The following MBNL2 variants were observed in gnomAD, a reference collection of about 807,000 sequenced individuals.
MBNL2 encodes the protein muscleblind-like protein 2.
MBNL2 carries 17 observed loss-of-function variants against 41.9 expected under a neutral mutation model. The observed-to-expected ratio is 0.41, with a 90% CI of 0.28 to 0.61. The LOEUF (loss-of-function observed/expected upper bound fraction) is 0.61. Ranked by LOEUF, MBNL2 falls within the 20% of genes least tolerant of loss-of-function variation. MBNL2 has a pLI of 0.35. For missense variants in MBNL2, 336 were observed against 505.6 expected (o/e 0.66, Z 3.22); for synonymous variants, 195 against 182.9 (o/e 1.07, Z -0.53).
intron 5 of MBNL2, among the ~76,000 whole-genome samples, chr13:97,353,954 C>G (rs918659685): frequency 6.6e-6 from 1 of 151,680 alleles, no homozygotes; most frequent in Non-Finnish European, 1.5e-5. Context: ...GTTTTCTGAC[C>G]CCTCAGATCT....
At chr13:97,291,176 G>T (rs991775285) in intron 2 of MBNL2, among the ~76,000 whole-genome samples, 28 of 152,128 alleles carry the variant, frequency 1.8e-4, no homozygotes, top group African/African-American at 6.8e-4. Flanking sequence ...ATGCCACCCG[G>T]CTGGGGTGGA....
chr13:97,308,685 A>G (rs940207210), intron 2 of MBNL2, among the ~76,000 whole-genome samples: 1 of 152,206 alleles, frequency 6.6e-6, no homozygotes, highest in Non-Finnish European at 1.5e-5. Context: ...CTGAAGTTTT[A>G]TGATGATCGA....
chr13:97,284,070 C>T (rs1410170461), intron 2 of MBNL2, among the ~76,000 whole-genome samples: 1 of 152,176 alleles, frequency 6.6e-6, no homozygotes, highest in African/African-American at 2.4e-5. Context: ...TAGAGTTAGA[C>T]AGGATCATCT....
the MBNL2 span, among the ~76,000 whole-genome samples, chr13:97,197,702 T>C: frequency 6.6e-5 from 10 of 152,324 alleles, no homozygotes; most frequent in East Asian, 1.9e-3. Flanking sequence ...TATTTCTAAT[T>C]CCTCTAATTT....
the MBNL2 span, among the ~76,000 whole-genome samples, chr13:97,215,662 C>A: frequency 6.6e-6 from 1 of 152,162 alleles, no homozygotes; most frequent in African/African-American, 2.4e-5. Flanking sequence ...TTTGCATTAA[C>A]TTTTCATATA....
intron 2 of MBNL2, among the ~76,000 whole-genome samples, chr13:97,276,976 C>T (rs2052290841): frequency 6.6e-6 from 1 of 152,080 alleles, no homozygotes; most frequent in African/African-American, 2.4e-5. Flanking sequence ...CAGATGGCAC[C>T]TTTGATGAGC....
the MBNL2 span, among the ~76,000 whole-genome samples, chr13:97,207,576 T>C: frequency 6.6e-6 from 1 of 152,150 alleles, no homozygotes; most frequent in African/African-American, 2.4e-5. Flanking sequence ...CTTGCCCCCA[T>C]GATTCAATTA....
At chr13:97,247,037 C>G (rs751472297) in intron 1 of MBNL2, among the ~76,000 whole-genome samples, 1 of 152,112 alleles carries the variant, frequency 6.6e-6, no homozygotes, top group Non-Finnish European at 1.5e-5. Context: ...CTGACAGTCT[C>G]GAAACCAATT....
Position 97,345,898 on chromosome 13 carries a change from T to C in MBNL2, c.541-906T>C, listed in dbSNP as rs75346881. Among the ~76,000 whole-genome samples, 627 of 152,260 alleles carry C rather than the reference T, an allele frequency of 4.1e-3. 5 individuals carry two copies. Among genetic ancestry groups the C allele is most frequent in the African/African-American group, 0.015 (608 of 41,532 alleles). On this transcript the variant is annotated intron_variant, in intron 4 of 8. Coordinates refer to ENST00000679496, the MANE Select transcript of MBNL2 (RefSeq NM_001382683.1). Reference sequence around the variant, plus strand: ...ACACAAAAAAAAACCTATAGCATTGTCAGAATTGTCATACAAGTAGGTGAT... The same window carrying C: ...ACACAAAAAAAAACCTATAGCATTGCCAGAATTGTCATACAAGTAGGTGAT...
chr13:97,230,467 TGGACAACA>T, intron 1 of MBNL2, among the ~76,000 whole-genome samples: 1 of 152,308 alleles, frequency 6.6e-6, no homozygotes, highest in East Asian at 1.9e-4. Flanking sequence ...AAGAACAGCC[TGGACAACA>T]GGCTACAAAT....
intron 2 of MBNL2, among the ~76,000 whole-genome samples, chr13:97,327,326 C>T (rs936881821): frequency 2.0e-5 from 3 of 152,056 alleles, no homozygotes; most frequent in African/African-American, 7.2e-5. Context: ...ACATACATCC[C>T]TGGTGTCACT....
At chr13:97,260,756 T>C (rs993700710) in intron 1 of MBNL2, among the ~76,000 whole-genome samples, 1 of 152,172 alleles carries the variant, frequency 6.6e-6, no homozygotes, top group African/African-American at 2.4e-5. Context: ...AAGAGAGTGG[T>C]TAAACAGAGG....
the MBNL2 span, among the ~76,000 whole-genome samples, chr13:97,175,689 G>A: frequency 7.2e-5 from 11 of 152,138 alleles, no homozygotes; most frequent in African/African-American, 2.7e-4. Context: ...TTACAAACTT[G>A]TATTGCCACC....
chr13:97,287,905 C>T (rs1444036054), intron 2 of MBNL2, among the ~76,000 whole-genome samples: 3 of 141,160 alleles, frequency 2.1e-5, no homozygotes, highest in South Asian at 2.2e-4. Flanking sequence ...CCACCAGGCC[C>T]GGCTAATTTT....
At chr13:97,353,572 G>A (rs1183492342) in intron 5 of MBNL2, among the ~76,000 whole-genome samples, 1 of 152,068 alleles carries the variant, frequency 6.6e-6, no homozygotes, top group East Asian at 1.9e-4. Flanking sequence ...TCCTTAAAAG[G>A]AATGGAAAGC....
the MBNL2 span, among the ~76,000 whole-genome samples, chr13:97,205,124 T>C: frequency 6.7e-6 from 1 of 149,880 alleles, no homozygotes; most frequent in Non-Finnish European, 1.5e-5. Flanking sequence ...TGAGCTGAGA[T>C]TGCACCACTG....
At chr13:97,285,709 T>C (rs1423327329) in intron 2 of MBNL2, among the ~76,000 whole-genome samples, 2 of 151,806 alleles carry the variant, frequency 1.3e-5, no homozygotes, top group Non-Finnish European at 2.9e-5. Flanking sequence ...ACTGGGAATA[T>C]AACAGCATAC....
the MBNL2 span, among the ~76,000 whole-genome samples, chr13:97,171,178 T>C: frequency 0.1 from 15,500 of 152,226 alleles, 890 homozygotes; most frequent in South Asian, 0.16. Context: ...TTAAGTGTAA[T>C]AGTAGTTCAT....
chr13:97,338,100 T>C (rs184900526), intron 3 of MBNL2, among the ~76,000 whole-genome samples: 1 of 152,338 alleles, frequency 6.6e-6, no homozygotes, highest in East Asian at 1.9e-4. Flanking sequence ...CTCCCTTATG[T>C]GCCCCTCCAT....
Sources: allele counts gnomAD v4.1 joint callset (sites outside exome capture counted in the v4.1 genomes callset), GRCh38; gene constraint gnomAD v4.1.1; transcripts MANE v1.5; gene names NCBI Gene and HGNC (gene_info 2026-07-23, HGNC 2026-07-21).